Variants in ZNF430 observed in about 807,000 individuals in gnomAD.
ZNF430 encodes the protein zinc finger protein 430.
Under a neutral mutation model 56.7 loss-of-function variants are expected in ZNF430, and 35 were observed. The observed-to-expected ratio is 0.62, with a 90% CI of 0.47 to 0.82. The LOEUF is 0.82. Among genes scored for constraint, ZNF430 ranks in the 40% least tolerant of loss-of-function variants. The probability of loss-of-function intolerance (pLI) is 0.00; values close to 1 mark genes in which losing one functional copy is unlikely to be tolerated. For synonymous variants in ZNF430, 212 were observed against 224.3 expected (o/e 0.94, Z 0.49); for missense variants, 574 against 661.0 (o/e 0.87, Z 1.44).
intron 4 of ZNF430, 93 bp downstream of exon 4, chr19:21,034,277 C>A: frequency 3.1e-6 from 3 of 980,388 alleles, no homozygotes; most frequent in Admixed American, 2.5e-5. Flanking sequence ...ATCTGTGTTC[C>A]AAAGCAAATA....
At chr19:21,024,210 A>G (rs1967749518) in intron 2 of ZNF430, among the ~76,000 whole-genome samples, 1 of 152,168 alleles carries the variant, frequency 6.6e-6, no homozygotes, top group South Asian at 2.1e-4. Context: ...TTCTGCTGAG[A>G]GAAGCTACAG....
rs372555002 is a variant in ZNF430 at position 21,058,749 on chromosome 19, C to G, written c.*728C>G. On this transcript the variant is annotated 3_prime_UTR_variant, in exon 5 of 5. Coordinates refer to ENST00000261560, the MANE Select transcript of ZNF430 (RefSeq NM_025189.4). Reference sequence around the variant, plus strand: ...AAAAAAATTGTACAAATATAAAGACCATGAAAAAGCCATTAATATCTATTC... The same window carrying G: ...AAAAAAATTGTACAAATATAAAGACGATGAAAAAGCCATTAATATCTATTC... 4 of 152,212 alleles carry G rather than the reference C, an allele frequency of 2.6e-5. No homozygotes were observed. In the East Asian group the frequency reaches 5.8e-4, roughly 22 times the overall value. 9.4% of individuals were successfully genotyped at this position (152,212 alleles called of 1,614,324 possible).
At position 21,048,771 on chromosome 19, in the gene ZNF430, G is replaced by A. The variant is rs904617540; in HGVS notation, c.323-7860G>A. ...CCAGAAGGGGCGGCCGGGCAGAGGCGCCCCCCACCTCCCGGACGGGGCGGC... is the reference window on the plus strand; with the variant it reads ...CCAGAAGGGGCGGCCGGGCAGAGGCACCCCCCACCTCCCGGACGGGGCGGC... On this transcript the variant is annotated intron_variant, in intron 4 of 4. Transcript: ENST00000261560. Among the ~76,000 whole-genome samples, 62 of 151,956 alleles carry A rather than the reference G, an allele frequency of 4.1e-4. 1 individual carries two copies. The highest frequency in any genetic ancestry group is 1.3e-3 in the African/African-American group (52 of 41,438).
chr19:21,041,828 C>T (rs1322235361), intron 4 of ZNF430, among the ~76,000 whole-genome samples: 1 of 152,164 alleles, frequency 6.6e-6, no homozygotes, highest in Non-Finnish European at 1.5e-5. Context: ...ATTCTCCTGC[C>T]TCAGCCTCCC....
chr19:21,027,330 G>C (rs1446957360), intron 2 of ZNF430, among the ~76,000 whole-genome samples: 2 of 152,146 alleles, frequency 1.3e-5, no homozygotes, highest in Non-Finnish European at 2.9e-5. Context: ...TCAATGCCTA[G>C]TTTGTTAAGG....
At chr19:21,029,084 G>T (rs1967855121) in intron 2 of ZNF430, among the ~76,000 whole-genome samples, 1 of 152,166 alleles carries the variant, frequency 6.6e-6, no homozygotes, top group African/African-American at 2.4e-5. Flanking sequence ...GCAATAGGAG[G>T]TCTGGTGACT....
chr19:21,026,302 T>C (rs11671894), intron 2 of ZNF430, among the ~76,000 whole-genome samples: 123,209 of 151,958 alleles, frequency 0.81, 52,211 homozygotes, highest in Middle Eastern at 0.93. Flanking sequence ...TATTCTCCTG[T>C]CTCAGCCTTC....
In ZNF430 at chr19:21,056,950, T is replaced by G. The variant is rs1968389640; in HGVS notation, c.642T>G (p.Phe214Leu). 5.0e-6 allele frequency: 8 copies of G among 1,613,844 alleles called. No homozygotes were observed. Among genetic ancestry groups the G allele is most frequent in the Non-Finnish European group, 5.9e-6 (7 of 1,179,886 alleles). ...AATGTAAAAAATGTGACAAATCGTT[T>G]TGCATGCTTTTACACCTAACTCAAC... ...PFKCKKCDKS[F>L]CMLLHLTQHK... Residue 214 changes from phenylalanine (F) to leucine (L), a missense_variant, in exon 5 of 5, where the codon TTT becomes TTG. Coordinates refer to ENST00000261560, the MANE Select transcript of ZNF430 (RefSeq NM_025189.4).
intron 4 of ZNF430, among the ~76,000 whole-genome samples, chr19:21,050,809 C>A (rs1406998194): frequency 6.6e-6 from 1 of 152,038 alleles, no homozygotes; most frequent in African/African-American, 2.4e-5. Context: ...GGGAGGATTG[C>A]CCGAGGTCAG....
At chr19:21,037,114 T>TC (rs1968013909) in intron 4 of ZNF430, among the ~76,000 whole-genome samples, 25 of 149,750 alleles carry the variant, frequency 1.7e-4, no homozygotes, top group Admixed American at 1.7e-3. Context: ...AGATTTTCTT[T>TC]TTTTTTTTTT....
rs908759659 is a variant in ZNF430 at position 21,059,042 on chromosome 19, A to C, written c.*1021A>C. On this transcript the variant is annotated 3_prime_UTR_variant, in exon 5 of 5. Coordinates refer to ENST00000261560, the MANE Select transcript of ZNF430 (RefSeq NM_025189.4). ...TATTGAAGAAAAACTTTGCAAATTT[A>C]ATAAATTTTAAAAAACACTTTTTCA... The C allele has an allele frequency of 1.3e-5, 2 of 152,192 alleles. No individual in the cohort carries two copies. The highest frequency in any genetic ancestry group is 1.3e-4 in the Admixed American group (2 of 15,270). 9.4% of individuals were successfully genotyped at this position (152,192 alleles called of 1,614,324 possible). A position where few individuals can be genotyped will look rare whatever the true frequency, so the allele number is the denominator to read the frequency against.
rs747809260 is a variant in ZNF430 at position 21,026,827 on chromosome 19, CTTTTTTTTTTT to C, written c.96+3959_96+3969del. ...TTGGATGCCTTTTTTCTTTTCTTTT[CTTTTTTTTTTT>C]TTTTTTTTTTTTGAGACAGAGTCTT... is the stretch of plus-strand genomic sequence containing the variant. On this transcript the variant is annotated intron_variant, in intron 2 of 4. Transcript: ENST00000261560. Among the ~76,000 whole-genome samples the C allele has an allele frequency of 1.5e-4, 10 of 68,728 alleles. 1 individual carries two copies. The South Asian group carries it at 6.8e-3, about 47-fold the overall frequency. The allele number at this position is 68,728 out of a possible 152,430, so 45.1% of individuals were successfully genotyped here.
chr19:21,053,860 TTG>T (rs1386523939), intron 4 of ZNF430, among the ~76,000 whole-genome samples: 2 of 152,182 alleles, frequency 1.3e-5, no homozygotes, highest in Non-Finnish European at 2.9e-5. Context: ...CTCTCTTAAT[TTG>T]TGTCTTTTTT....
At chr19:21,024,809 T>A (rs1967763048) in intron 2 of ZNF430, among the ~76,000 whole-genome samples, 1 of 151,110 alleles carries the variant, frequency 6.6e-6, no homozygotes, top group African/African-American at 2.4e-5. Flanking sequence ...TGGAGGTGAC[T>A]GACAAATGAA....
At chr19:21,030,384 G>A (rs1189189112) in intron 2 of ZNF430, among the ~76,000 whole-genome samples, 1 of 152,124 alleles carries the variant, frequency 6.6e-6, no homozygotes, top group African/African-American at 2.4e-5. Flanking sequence ...CAACTTCCAG[G>A]GTGTTATTAG....
intron 4 of ZNF430, among the ~76,000 whole-genome samples, chr19:21,040,006 T>G (rs1968074831): frequency 6.6e-6 from 1 of 152,060 alleles, no homozygotes. Context: ...CTCGCTAATT[T>G]TTTGATTTTT....
At chr19:21,037,162 T>C (rs1968016077) in intron 4 of ZNF430, among the ~76,000 whole-genome samples, 1 of 151,674 alleles carries the variant, frequency 6.6e-6, no homozygotes, top group Admixed American at 6.6e-5. Flanking sequence ...TCACCCAGGC[T>C]GGAGTGCAAT....
intron 4 of ZNF430, among the ~76,000 whole-genome samples, chr19:21,042,197 A>G (rs769529125): frequency 3.3e-5 from 5 of 152,052 alleles, no homozygotes; most frequent in South Asian, 2.1e-4. Context: ...CATTTTCTTT[A>G]TCCAGTCTAT....
chr19:21,023,167 C>T (rs565487310), intron 2 of ZNF430, among the ~76,000 whole-genome samples: 2 of 152,258 alleles, frequency 1.3e-5, no homozygotes, highest in East Asian at 1.9e-4. Flanking sequence ...AAGTTAAATG[C>T]CCGTGGGACA....
Sources: allele counts gnomAD v4.1 joint callset (sites outside exome capture counted in the v4.1 genomes callset), GRCh38; gene constraint gnomAD v4.1.1; transcripts MANE v1.5; gene names NCBI Gene and HGNC (gene_info 2026-07-23, HGNC 2026-07-21).